The following SEC14L6 variants were observed in gnomAD, a reference collection of about 807,000 sequenced individuals.
The protein encoded by SEC14L6 is SEC14 like lipid binding 6.
Under a neutral mutation model 54.1 loss-of-function variants are expected in SEC14L6, and 40 were observed. The observed-to-expected ratio is 0.74, with a 90% CI of 0.57 to 0.96. The LOEUF (loss-of-function observed/expected upper bound fraction) is 0.96. SEC14L6 is among the 40% of genes least tolerant of loss of function. The pLI is 0.00. For missense variants in SEC14L6, 471 were observed against 498.3 expected, an observed-to-expected ratio of 0.95 and a Z score of 0.52; for synonymous variants, 171 against 198.4, an observed-to-expected ratio of 0.86 and a Z score of 1.16.
At chr22:30,541,105 T>C (rs1206927429) in intron 1 of SEC14L6, among the ~76,000 whole-genome samples, 2 of 152,176 alleles carry the variant, frequency 1.3e-5, no homozygotes, top group Non-Finnish European at 2.9e-5. Flanking sequence ...GAATTCACAC[T>C]TGAACAACTT....
At chr22:30,526,184 G>A (rs1601876027) in intron 8 of SEC14L6, among the ~76,000 whole-genome samples, 3 of 152,324 alleles carry the variant, frequency 2.0e-5, no homozygotes, top group African/African-American at 4.8e-5. Context: ...GCCCCTGCAG[G>A]CCCTGCCCCC....
chr22:30,541,831 T>A (rs2085719983), intron 1 of SEC14L6, among the ~76,000 whole-genome samples: 1 of 152,146 alleles, frequency 6.6e-6, no homozygotes, highest in Non-Finnish European at 1.5e-5. Flanking sequence ...AGACCCTGTC[T>A]CCAAATAAAT....
intron 8 of SEC14L6, among the ~76,000 whole-genome samples, chr22:30,528,096 T>C (rs1352405745): frequency 6.6e-6 from 1 of 151,286 alleles, no homozygotes; most frequent in African/African-American, 2.4e-5. Flanking sequence ...GTATTGCTTA[T>C]ATAATTTGGA....
intron 6 of SEC14L6, among the ~76,000 whole-genome samples, 172 bp downstream of exon 6, chr22:30,531,731 A>G (rs1165964679): frequency 6.6e-6 from 1 of 152,178 alleles, no homozygotes; most frequent in Non-Finnish European, 1.5e-5. Flanking sequence ...TTTCAAAAAA[A>G]AAGTAAGAGC....
intron 1 of SEC14L6, among the ~76,000 whole-genome samples, chr22:30,545,806 T>G (rs549001577): frequency 7.9e-5 from 12 of 151,954 alleles, no homozygotes; most frequent in Non-Finnish European, 1.3e-4. Context: ...TTTTAGGTTT[T>G]TTTTGTTTTG....
At chr22:30,542,551 G>C in intron 1 of SEC14L6, 1 of 1,302,746 alleles carries the variant, frequency 7.7e-7, no homozygotes. Flanking sequence ...TCCAGCCCTC[G>C]CGGGCGGCGT....
At position 30,543,793 on chromosome 22, in the gene SEC14L6, A is replaced by G. The variant is rs930384161; in HGVS notation, c.54+2836T>C. 6 of 1,517,024 alleles carry G rather than the reference A, an allele frequency of 4.0e-6. No homozygotes were observed. In the East Asian group the frequency reaches 1.4e-4, roughly 34 times the overall value. 94.0% of individuals were successfully genotyped at this position (1,517,024 alleles called of 1,614,324 possible). ...AGCCCAGGGCTCCACTTCTTCTACA[A>G]GGTTGCATGAACCCGAGAAGAATGC... On this transcript the variant is annotated intron_variant, in intron 1 of 11. Transcript: ENST00000402034.
intron 8 of SEC14L6, among the ~76,000 whole-genome samples, chr22:30,528,422 C>CTTTTTTTTTTTTTTTTTTTTT (rs375073961): frequency 3.8e-4 from 40 of 105,514 alleles, no homozygotes; most frequent in African/African-American, 6.4e-4. Flanking sequence ...CGCTCGGCCT[C>CTTTTTTTTTTTTTTTTTTTTT]TTTTTTTTTT....
At position 30,524,747 on chromosome 22, in the gene SEC14L6, T is replaced by C; in HGVS notation, c.*250A>G. 1 of 400,040 alleles carries C rather than the reference T, an allele frequency of 2.5e-6. No homozygotes were observed. The highest frequency in any genetic ancestry group is 4.6e-6 in the Non-Finnish European group (1 of 219,282). 24.8% of individuals were successfully genotyped at this position (400,040 alleles called of 1,614,324 possible). The stretch of plus-strand genomic sequence containing the variant: ...ATAGAAAAAAGCCTGGGGTTTTTGC[T>C]GAGCTTGAGGTCACAGCAGGTCATA... On this transcript the variant is annotated 3_prime_UTR_variant, in exon 12 of 12. Coordinates refer to ENST00000402034, the MANE Select transcript of SEC14L6 (RefSeq NM_001193336.4).
In SEC14L6 at chr22:30,525,379, C is replaced by A. The variant is rs763007367; in HGVS notation, c.1052G>T (p.Gly351Val). ...RYNAHMVPED[G>V]ILTCLQAGSY... ...GCCGGCCTGGAGGCAGGTGAGAATC[C>A]CATCTTCAGGCACCATGTGGGCATT... Residue 351 changes from glycine to valine, a missense_variant, in exon 11 of 12, where the codon GGG becomes GTG. Gly to Val is a moderately radical substitution (Grantham distance 109). Transcript: ENST00000402034. The A allele has an allele frequency of 1.8e-5, 29 of 1,614,190 alleles. No homozygotes were observed. Among genetic ancestry groups the A allele is most frequent in the Middle Eastern group, 1.6e-4 (1 of 6,062 alleles).
At chr22:30,532,270 A>G (rs1339887348) in intron 5 of SEC14L6, 9 of 985,266 alleles carry the variant, frequency 9.1e-6, no homozygotes, top group African/African-American at 3.5e-5. Flanking sequence ...CTCTCGTCCA[A>G]TGAGGCTGCA....
At chr22:30,530,655 G>T (rs1047452992) in intron 6 of SEC14L6, among the ~76,000 whole-genome samples, 5 of 152,206 alleles carry the variant, frequency 3.3e-5, no homozygotes, top group Non-Finnish European at 7.3e-5. Flanking sequence ...TCCTGCCTCA[G>T]CCTCCCAAAA....
chr22:30,541,425 G>A (rs1200434705), intron 1 of SEC14L6, among the ~76,000 whole-genome samples: 3 of 152,144 alleles, frequency 2.0e-5, no homozygotes, highest in East Asian at 1.9e-4. Flanking sequence ...TTGGGAAGCC[G>A]AGGTGGGTGG....
At chr22:30,529,777 A>G (rs117571347) in intron 6 of SEC14L6, among the ~76,000 whole-genome samples, 2,660 of 152,236 alleles carry the variant, frequency 0.017, 50 homozygotes, top group Middle Eastern at 0.048. Flanking sequence ...GTGGGGGGAT[A>G]ACTCTATTCA....
chr22:30,545,588 G>A (rs572085699), intron 1 of SEC14L6, among the ~76,000 whole-genome samples: 1 of 152,180 alleles, frequency 6.6e-6, no homozygotes, highest in East Asian at 1.9e-4. Context: ...TGTTTTTAGA[G>A]ATGGGGTCTC....
At position 30,538,949 on chromosome 22, in the gene SEC14L6, G is replaced by A. The variant is rs75721480; in HGVS notation, c.55-47C>T. Reference sequence around the variant, plus strand: ...CCTGGGTCAGAGGCCAACCACCCTCGGTCCTGCAGGTCTCAACTGTCCTTG... The same window carrying A: ...CCTGGGTCAGAGGCCAACCACCCTCAGTCCTGCAGGTCTCAACTGTCCTTG... On this transcript the variant is annotated intron_variant, in intron 1 of 11. Coordinates refer to ENST00000402034, the MANE Select transcript of SEC14L6 (RefSeq NM_001193336.4). 1,112 of 1,300,330 alleles carry A rather than the reference G, an allele frequency of 8.6e-4. 5 individuals are homozygous for A. The African/African-American group carries it at 0.014, about 16-fold the overall frequency. The allele number at this position is 1,300,330 out of a possible 1,614,324, so 80.5% of individuals were successfully genotyped here.
chr22:30,543,292 G>A, intron 1 of SEC14L6: 1 of 1,580,042 alleles, frequency 6.3e-7, no homozygotes. Flanking sequence ...CTCTTTTCGT[G>A]GGACTGCCAA....
intron 2 of SEC14L6, among the ~76,000 whole-genome samples, chr22:30,536,539 GAGA>G (rs2085602687): frequency 2.6e-5 from 4 of 152,148 alleles, no homozygotes; most frequent in African/African-American, 9.7e-5. Context: ...CTCTTTTTAT[GAGA>G]AGATGTTAAG....
At chr22:30,538,110 C>T (rs1342613333) in intron 2 of SEC14L6, among the ~76,000 whole-genome samples, 1 of 152,054 alleles carries the variant, frequency 6.6e-6, no homozygotes, top group Non-Finnish European at 1.5e-5. Context: ...GAGGCCAAGA[C>T]AGGTGGATCA....
Sources: gnomAD v4.1 joint callset for allele counts (sites outside exome capture counted in the v4.1 genomes callset) on GRCh38, gnomAD v4.1.1 for gene constraint, MANE v1.5 for transcripts, NCBI Gene and HGNC (gene_info 2026-07-23, HGNC 2026-07-21) for gene names.